The following OCA2 variants were observed in gnomAD, a reference collection of about 807,000 sequenced individuals.
The protein encoded by OCA2 is OCA2 melanosomal transmembrane protein, also known as P protein.
In OCA2, 77 loss-of-function variants were observed where a neutral mutation model predicts 100.2. The observed-to-expected ratio is 0.77, with a 90% CI of 0.64 to 0.93. OCA2 has a LOEUF of 0.93. OCA2 is among the 40% of genes least tolerant of loss of function. The probability of loss-of-function intolerance (pLI) is 0.00; values close to 1 mark genes in which losing one functional copy is unlikely to be tolerated. For synonymous variants in OCA2, 432 were observed against 439.2 expected, an observed-to-expected ratio of 0.98 and a Z score of 0.21; for missense variants, 1,062 against 1,089.1, an observed-to-expected ratio of 0.98 and a Z score of 0.35.
downstream of OCA2, chr15:27,754,868 C>A: frequency 5.8e-6 from 1 of 171,022 alleles, no homozygotes. Context: ...TAAACTACTC[C>A]AAAGCCTTTT....
intron 17 of OCA2, among the ~76,000 whole-genome samples, chr15:27,954,116 T>TACACACACACACAC (rs200633980): frequency 1.0e-3 from 48 of 46,496 alleles, no homozygotes; most frequent in South Asian, 2.7e-3. Context: ...TTCCATGGCA[T>TACACACACACACAC]ACACACACAC....
intron 19 of OCA2, among the ~76,000 whole-genome samples, chr15:27,884,331 CA>C (rs1458453759): frequency 1.3e-5 from 2 of 152,182 alleles, no homozygotes; most frequent in Non-Finnish European, 2.9e-5. Context: ...ACCGAAATCG[CA>C]CCACTGCACT....
chr15:27,865,013 GC>G (rs112886552), intron 21 of OCA2, among the ~76,000 whole-genome samples: 2,377 of 151,892 alleles, frequency 0.016, 55 homozygotes, highest in African/African-American at 0.05. Flanking sequence ...ACGTCTCCAT[GC>G]CAAGAAAAGA....
intron 21 of OCA2, among the ~76,000 whole-genome samples, chr15:27,860,553 T>G (rs2036093716): frequency 6.6e-6 from 1 of 152,322 alleles, no homozygotes; most frequent in South Asian, 2.1e-4. Flanking sequence ...CATGTAATAT[T>G]TGGTTTTCTG....
intron 17 of OCA2, among the ~76,000 whole-genome samples, chr15:27,954,146 CA>C (rs879459769): frequency 1.7e-3 from 255 of 147,204 alleles, no homozygotes; most frequent in Non-Finnish European, 2.1e-3. Context: ...CACACACACA[CA>C]CACACACACA....
intron 5 of OCA2, among the ~76,000 whole-genome samples, chr15:28,022,856 C>T (rs1211615173): frequency 6.6e-6 from 1 of 152,130 alleles, no homozygotes; most frequent in Non-Finnish European, 1.5e-5. Flanking sequence ...GGTTTTCTCA[C>T]AATGGAGAAT....
intron 23 of OCA2, among the ~76,000 whole-genome samples, chr15:27,835,140 A>T (rs1235314100): frequency 6.6e-6 from 1 of 152,234 alleles, no homozygotes; most frequent in Non-Finnish European, 1.5e-5. Context: ...CCTTTGTACC[A>T]CTTAGGGCTC....
intron 10 of OCA2, among the ~76,000 whole-genome samples, chr15:27,990,265 G>A (rs1185405846): frequency 6.6e-6 from 1 of 152,104 alleles, no homozygotes; most frequent in Non-Finnish European, 1.5e-5. Flanking sequence ...GTCCCCTCTA[G>A]TTCCAACACC....
At chr15:27,839,646 T>C (rs1004230528) in intron 23 of OCA2, among the ~76,000 whole-genome samples, 14 of 149,532 alleles carry the variant, frequency 9.4e-5, no homozygotes, top group African/African-American at 2.0e-4. Context: ...CCAAATAACA[T>C]AGTAACCACC....
rs148059600 is a variant in OCA2, at chr15:27,980,474, A to G, written c.1503+2871T>C. On this transcript the variant is annotated intron_variant, in intron 14 of 23. Coordinates refer to ENST00000354638, the MANE Select transcript of OCA2 (RefSeq NM_000275.3). ...ATTTCCCCATGTAGTTACCCTTTTC[A>G]GTATTCTTCATGACTTTGTGAAGAT... is the stretch of plus-strand genomic sequence containing the variant. Among the ~76,000 whole-genome samples the G allele has an allele frequency of 1.0e-3, 159 of 152,258 alleles. 2 individuals are homozygous for G. In the South Asian group the frequency reaches 0.014, roughly 14 times the overall value.
In OCA2 at chr15:28,005,178, C is replaced by G. The variant is rs958757618; in HGVS notation, c.1044+9598G>C. 2.2e-4 allele frequency among the ~76,000 whole-genome samples: 33 copies of G among 152,184 alleles called. 2 individuals carry two copies. Among genetic ancestry groups the G allele is most frequent in the Admixed American group, 2.0e-3 (31 of 15,298 alleles). ...CAGTTCAGCCCGCCAGTCCTCAGCA[C>G]CCCCACTTCCCCTCCTCAGAAGGAG... On this transcript the variant is annotated intron_variant, in intron 9 of 23. Transcript: ENST00000354638.
At chr15:28,078,339 G>T (rs778131762) in intron 2 of OCA2, among the ~76,000 whole-genome samples, 1 of 152,190 alleles carries the variant, frequency 6.6e-6, no homozygotes, top group Admixed American at 6.5e-5. Flanking sequence ...GTGGCTCCCA[G>T]GAATTGGCCT....
At chr15:28,050,686 C>T (rs968591133) in intron 2 of OCA2, among the ~76,000 whole-genome samples, 8 of 152,066 alleles carry the variant, frequency 5.3e-5, no homozygotes, top group Non-Finnish European at 2.9e-5. Flanking sequence ...CTTCATACAC[C>T]TCAGGTTGTC....
Position 27,755,330 on chromosome 15 carries a change from C to T in OCA2, c.*58G>A. 7.5e-7 allele frequency: 1 copy of T among 1,328,454 alleles called. No homozygotes were observed. Among genetic ancestry groups the T allele is most frequent in the South Asian group, 1.2e-5 (1 of 85,050 alleles). 82.3% of individuals were successfully genotyped at this position (1,328,454 alleles called of 1,614,324 possible). Reference sequence around the variant, plus strand: ...CAGTGGGGTCAGGGTAGTTTTATGACTAATGGGTTGTGATGGATGAAGTTT... The same window carrying T: ...CAGTGGGGTCAGGGTAGTTTTATGATTAATGGGTTGTGATGGATGAAGTTT... On this transcript the variant is annotated 3_prime_UTR_variant, in exon 24 of 24. Coordinates refer to ENST00000354638, the MANE Select transcript of OCA2 (RefSeq NM_000275.3).
chr15:27,967,057 G>A (rs1160612059), intron 14 of OCA2, among the ~76,000 whole-genome samples: 1 of 152,234 alleles, frequency 6.6e-6, no homozygotes, highest in African/African-American at 2.4e-5. Flanking sequence ...GTGAACCCGA[G>A]AGGCGGAACT....
At chr15:27,771,167 T>C (rs955674637) in intron 23 of OCA2, among the ~76,000 whole-genome samples, 95 of 148,384 alleles carry the variant, frequency 6.4e-4, no homozygotes, top group Admixed American at 6.7e-4. Flanking sequence ...GACACCCCCT[T>C]GGCCTCCTCC....
At chr15:27,754,596 T>C (rs1202307888), downstream of OCA2, among the ~76,000 whole-genome samples, 8 of 152,170 alleles carry the variant, frequency 5.3e-5, no homozygotes, top group Non-Finnish European at 7.3e-5. Context: ...ACAAAAGAAC[T>C]GCATTTAATA....
chr15:28,001,165 T>C (rs1406643041), intron 9 of OCA2, among the ~76,000 whole-genome samples: 2 of 152,168 alleles, frequency 1.3e-5, no homozygotes, highest in African/African-American at 4.8e-5. Context: ...GCCATGTTCA[T>C]TGCAACCTTA....
intron 21 of OCA2, among the ~76,000 whole-genome samples, chr15:27,864,905 G>A (rs1041935139): frequency 2.0e-5 from 3 of 151,736 alleles, no homozygotes; most frequent in Non-Finnish European, 2.9e-5. Context: ...CCCTAAGAAC[G>A]CCACCCACAG....
Sources: allele counts gnomAD v4.1 joint callset (sites outside exome capture counted in the v4.1 genomes callset), GRCh38; gene constraint gnomAD v4.1.1; transcripts MANE v1.5; gene names NCBI Gene and HGNC (gene_info 2026-07-23, HGNC 2026-07-21).